ASCC1: variants seen among roughly 807,000 people sequenced by gnomAD.
ASCC1 encodes activating signal cointegrator 1 complex subunit 1, also known as ASC-1 complex subunit P50.
A neutral mutation model predicts 46.6 loss-of-function variants in ASCC1; 35 were observed. The observed-to-expected ratio is 0.75, with a 90% CI of 0.57 to 0.99. The LOEUF (loss-of-function observed/expected upper bound fraction) is 0.99, where lower values mean the gene tolerates loss of function less well. ASCC1 is among the 50% of genes least tolerant of loss of function. The pLI is 0.00. For missense variants in ASCC1, 376 were observed against 428.7 expected, an observed-to-expected ratio of 0.88 and a Z score of 1.09; for synonymous variants, 143 against 146.6, an observed-to-expected ratio of 0.98 and a Z score of 0.18.
chr10:72,189,802 CAAAAAAA>C (rs996153326), intron 5 of ASCC1: 23 of 167,910 alleles, frequency 1.4e-4, no homozygotes, highest in African/African-American at 2.7e-4. Flanking sequence ...AACTCCATCT[CAAAAAAA>C]AAAAAAAAAA....
chr10:72,120,576 C>A (rs1589232280), intron 9 of ASCC1, among the ~76,000 whole-genome samples: 3 of 141,066 alleles, frequency 2.1e-5, no homozygotes, highest in Non-Finnish European at 1.5e-5. Context: ...CAGAGAGTAC[C>A]AAGCAGAATA....
chr10:72,152,517 C>G (rs1452417480), intron 7 of ASCC1, among the ~76,000 whole-genome samples: 7 of 152,026 alleles, frequency 4.6e-5, no homozygotes, highest in African/African-American at 1.5e-4. Context: ...CTATCAATAC[C>G]CGTTATCCAA....
At chr10:72,200,027 C>T (rs1403847707) in intron 4 of ASCC1, among the ~76,000 whole-genome samples, 2 of 152,130 alleles carry the variant, frequency 1.3e-5, no homozygotes. Context: ...GCCACCAAGC[C>T]CAGCCTGACA....
Position 72,096,205 on chromosome 10 carries a change from TG to T in ASCC1, c.*1128del, listed in dbSNP as rs1463972567. ...AAGGAAGGAGAAGAAGGAGAGGACA[TG>T]GAGGGAGGAAGAATGTGAGGAGGCA... On this transcript the variant is annotated 3_prime_UTR_variant, in exon 10 of 10. Transcript: ENST00000672957. 4.4e-6 allele frequency: 2 copies of T among 453,084 alleles called. No homozygotes were observed. Among genetic ancestry groups the T allele is most frequent in the Non-Finnish European group, 8.8e-6 (2 of 226,566 alleles). 28.1% of individuals were successfully genotyped at this position (453,084 alleles called of 1,614,324 possible).
intron 9 of ASCC1, among the ~76,000 whole-genome samples, chr10:72,103,683 A>AG (rs1310778996): frequency 9.2e-5 from 14 of 152,140 alleles, no homozygotes; most frequent in African/African-American, 3.4e-4. Context: ...TCTCCCCTGA[A>AG]GCAGGTCATA....
At chr10:72,207,421 T>C (rs975357829) in intron 3 of ASCC1, among the ~76,000 whole-genome samples, 1 of 152,080 alleles carries the variant, frequency 6.6e-6, no homozygotes, top group African/African-American at 2.4e-5. Flanking sequence ...CTCAAAATAA[T>C]AAAATAAATA....
rs556810379 is a variant in ASCC1 at position 72,117,547 on chromosome 10, T to C, written c.957+10535A>G. Among the ~76,000 whole-genome samples, 6 of 152,350 alleles carry C rather than the reference T, an allele frequency of 3.9e-5. No individual in the cohort carries two copies. In the East Asian group the frequency reaches 1.2e-3, roughly 29 times the overall value. On this transcript the variant is annotated intron_variant, in intron 9 of 9. Transcript: ENST00000672957. ...CATTTGCCAGAGATTTCCTTGACTC[T>C]TTCTTCCAGTCTTTGATTAAATATG...
intron 9 of ASCC1, among the ~76,000 whole-genome samples, chr10:72,125,998 T>G (rs1844820096): frequency 6.6e-6 from 1 of 152,222 alleles, no homozygotes; most frequent in South Asian, 2.1e-4. Context: ...AATTATTAAC[T>G]AGCTACGGTT....
chr10:72,192,370 G>A (rs571162486), intron 5 of ASCC1, among the ~76,000 whole-genome samples: 15 of 151,584 alleles, frequency 9.9e-5, no homozygotes, highest in African/African-American at 2.7e-4. Flanking sequence ...CAGAAGAATC[G>A]CTTGAAGCCA....
chr10:72,209,582 G>A (rs532636885), intron 3 of ASCC1, among the ~76,000 whole-genome samples: 4 of 151,692 alleles, frequency 2.6e-5, no homozygotes, highest in South Asian at 4.2e-4. Context: ...TCAGTAGTTC[G>A]AGACCAGCCT....
chr10:72,181,981 C>T (rs1005386163), intron 5 of ASCC1, among the ~76,000 whole-genome samples: 10 of 152,024 alleles, frequency 6.6e-5, no homozygotes, highest in African/African-American at 2.4e-4. Context: ...CCACCGCACC[C>T]GGCCTCCAGT....
Position 72,097,299 on chromosome 10 carries a change from A to C in ASCC1, c.*35T>G. On this transcript the variant is annotated 3_prime_UTR_variant, in exon 10 of 10. Coordinates refer to ENST00000672957, the MANE Select transcript of ASCC1 (RefSeq NM_001198800.3). Reference sequence around the variant, plus strand: ...GACACTTTTCTTCAGCACCTGGTGAAGATGTTTAGTTTCTAGTGCTTTCCA... The same window carrying C: ...GACACTTTTCTTCAGCACCTGGTGACGATGTTTAGTTTCTAGTGCTTTCCA... 1 of 1,379,236 alleles carries C rather than the reference A, an allele frequency of 7.3e-7. No homozygotes were observed. Among genetic ancestry groups the C allele is most frequent in the Non-Finnish European group, 1.0e-6 (1 of 966,888 alleles). The allele number at this position is 1,379,236 out of a possible 1,614,324, so 85.4% of individuals were successfully genotyped here.
At chr10:72,104,619 CA>C (rs1014649222) in intron 9 of ASCC1, among the ~76,000 whole-genome samples, 1 of 152,102 alleles carries the variant, frequency 6.6e-6, no homozygotes, top group Non-Finnish European at 1.5e-5. Context: ...TTTTTCTCCT[CA>C]CTGTTGTTTT....
At chr10:72,204,600 T>C (rs1856942471) in intron 3 of ASCC1, 2 of 1,461,422 alleles carry the variant, frequency 1.4e-6, no homozygotes, top group South Asian at 1.3e-5. Context: ...ATCAACGTTA[T>C]TTTAACCTCT....
intron 6 of ASCC1, among the ~76,000 whole-genome samples, chr10:72,154,493 GTTT>G (rs375316111): frequency 8.1e-4 from 113 of 139,864 alleles, no homozygotes; most frequent in Middle Eastern, 7.4e-3. Flanking sequence ...TATGCATAGG[GTTT>G]TTTTTTTTTT....
At chr10:72,178,324 A>G (rs1299303388) in intron 5 of ASCC1, among the ~76,000 whole-genome samples, 1 of 152,204 alleles carries the variant, frequency 6.6e-6, no homozygotes, top group African/African-American at 2.4e-5. Context: ...GTGATAATGT[A>G]TGAATCCTAC....
intron 7 of ASCC1, among the ~76,000 whole-genome samples, chr10:72,138,639 T>C (rs182942833): frequency 6.9e-6 from 1 of 145,214 alleles, no homozygotes; most frequent in Non-Finnish European, 1.5e-5. Flanking sequence ...GGAGTCACTC[T>C]GTCACCTAGG....
At chr10:72,102,494 A>C in intron 9 of ASCC1, 1 of 1,125,296 alleles carries the variant, frequency 8.9e-7, no homozygotes, top group Non-Finnish European at 1.3e-6. Context: ...AGTTCTTTTT[A>C]TACTAGGGAA....
intron 9 of ASCC1, among the ~76,000 whole-genome samples, chr10:72,104,722 T>C (rs973384506): frequency 4.6e-5 from 7 of 152,112 alleles, no homozygotes; most frequent in Non-Finnish European, 1.0e-4. Context: ...TCAGTATTTT[T>C]TAAAACCTGC....
Sources: gnomAD v4.1 joint callset for allele counts (sites outside exome capture counted in the v4.1 genomes callset) on GRCh38, gnomAD v4.1.1 for gene constraint, MANE v1.5 for transcripts, NCBI Gene and HGNC (gene_info 2026-07-23, HGNC 2026-07-21) for gene names.